The following DNAH11 variants were observed in gnomAD, a reference collection of about 807,000 sequenced individuals.
The protein encoded by DNAH11 is axonemal beta dynein heavy chain 11.
DNAH11 carries 442 observed loss-of-function variants against 526.0 expected under a neutral mutation model. That is an observed-to-expected ratio of 0.84 (90% CI 0.78 to 0.91). The LOEUF (loss-of-function observed/expected upper bound fraction) is 0.91. DNAH11 is among the 40% of genes least tolerant of loss of function. The probability of loss-of-function intolerance (pLI) is 0.00; values close to 1 mark genes in which losing one functional copy is unlikely to be tolerated. For synonymous variants in DNAH11, 2,461 were observed against 1,935.9 expected, an observed-to-expected ratio of 1.27 and a Z score of -7.12; for missense variants, 6,989 against 5,448.7, an observed-to-expected ratio of 1.28 and a Z score of -8.90.
chr7:21,838,716 C>CTATTTATTTATTTATT (rs34468017), intron 65 of DNAH11, among the ~76,000 whole-genome samples: 2,129 of 148,970 alleles, frequency 0.014, 44 homozygotes, highest in African/African-American at 0.039. Context: ...GATTTTTAAA[C>CTATTTATTTATTTATT]TATTTATTTA....
At chr7:21,550,671 C>T (rs1003006931) in intron 2 of DNAH11, among the ~76,000 whole-genome samples, 63 of 152,128 alleles carry the variant, frequency 4.1e-4, no homozygotes, top group African/African-American at 1.5e-3. Flanking sequence ...TAATTTGAAA[C>T]CTTCCATAAT....
intron 75 of DNAH11, among the ~76,000 whole-genome samples, chr7:21,883,985 A>G (rs1030294429): frequency 1.3e-5 from 2 of 152,200 alleles, no homozygotes; most frequent in African/African-American, 2.4e-5. Flanking sequence ...CAAGGTTGCA[A>G]TGAGCTGTGA....
rs1286994374 is a variant in DNAH11 at position 21,592,461 on chromosome 7, G to T, written c.2667+884G>T. ...AAACTGAGATCAGAATTTGCAAGGG[G>T]AGTGGTAGTAGAGGGTGAGGTAGAA... On this transcript the variant is annotated intron_variant, in intron 14 of 81. Transcript: ENST00000409508. Among the ~76,000 whole-genome samples the T allele has an allele frequency of 4.6e-5, 7 of 152,334 alleles. No homozygotes were observed. In the East Asian group the frequency reaches 9.6e-4, roughly 21 times the overall value.
Position 21,838,708 on chromosome 7 carries a change from T to G in DNAH11, c.10692-3836T>G, listed in dbSNP as rs115500085. 2.5e-3 allele frequency among the ~76,000 whole-genome samples: 383 copies of G among 150,636 alleles called. 1 individual carries two copies. The highest frequency in any genetic ancestry group is 9.1e-3 in the African/African-American group (368 of 40,250). ...TTTCCATGATATTTCATTGTTTGGA[T>G]TTTTAAACTATTTATTTATTTATTT... On this transcript the variant is annotated intron_variant, in intron 65 of 81. Transcript: ENST00000409508.
intron 45 of DNAH11, among the ~76,000 whole-genome samples, chr7:21,734,897 T>A (rs767275162): frequency 2.9e-4 from 44 of 151,002 alleles, no homozygotes; most frequent in Non-Finnish European, 4.6e-4. Context: ...ATCAACCGGG[T>A]GCAGTGGCTC....
intron 63 of DNAH11, among the ~76,000 whole-genome samples, chr7:21,812,613 C>T (rs1344574600): frequency 1.3e-5 from 2 of 152,028 alleles, no homozygotes; most frequent in South Asian, 2.1e-4. Context: ...ATGATGGCAC[C>T]ACTGAACTCC....
At chr7:21,888,453 G>A (rs886647804) in intron 76 of DNAH11, among the ~76,000 whole-genome samples, 1 of 152,026 alleles carries the variant, frequency 6.6e-6, no homozygotes, top group Admixed American at 6.6e-5. Flanking sequence ...TCTAATAACT[G>A]TGCCTGCCCC....
At position 21,727,143 on chromosome 7, in the gene DNAH11, C is replaced by G. The variant is rs145884368; in HGVS notation, c.7440+1159C>G. ...AGAGACGGGGTTTCACCGTGTTAGC[C>G]AGGATGATCTCGATCTCCTGACCTC... On this transcript the variant is annotated intron_variant, in intron 45 of 81. Transcript: ENST00000409508. 4.0e-5 allele frequency among the ~76,000 whole-genome samples: 6 copies of G among 151,320 alleles called. No homozygotes were observed. The East Asian group carries it at 1.0e-3, about 25-fold the overall frequency.
chr7:21,850,264 G>C (rs941633378), intron 66 of DNAH11, among the ~76,000 whole-genome samples: 4 of 149,952 alleles, frequency 2.7e-5, no homozygotes, highest in African/African-American at 9.8e-5. Flanking sequence ...GCTGAGGCAG[G>C]AGAATGGCGT....
intron 46 of DNAH11, among the ~76,000 whole-genome samples, chr7:21,738,315 C>T (rs1785707423): frequency 6.6e-6 from 1 of 152,182 alleles, no homozygotes; most frequent in Non-Finnish European, 1.5e-5. Context: ...GACTCTTCCG[C>T]AGAGATGACA....
intron 68 of DNAH11, among the ~76,000 whole-genome samples, chr7:21,856,767 A>G (rs998988881): frequency 1.7e-5 from 2 of 117,742 alleles, no homozygotes; most frequent in African/African-American, 6.9e-5. Context: ...AGAACTTGAA[A>G]AATTTCAACA....
chr7:21,602,324 C>T (rs7804114), intron 18 of DNAH11, among the ~76,000 whole-genome samples: 4,677 of 151,980 alleles, frequency 0.031, 235 homozygotes, highest in African/African-American at 0.11. Context: ...GGGGACAAAG[C>T]GAGACTCCTT....
chr7:21,888,055 C>T (rs1004599760), intron 76 of DNAH11, among the ~76,000 whole-genome samples: 35 of 152,122 alleles, frequency 2.3e-4, no homozygotes, highest in African/African-American at 8.0e-4. Context: ...TACGGGAGAC[C>T]AGAGTTCTGG....
chr7:21,602,567 G>C (rs1374353685), intron 18 of DNAH11, among the ~76,000 whole-genome samples: 3 of 29,338 alleles, frequency 1.0e-4, no homozygotes, highest in Non-Finnish European at 3.3e-4. Flanking sequence ...TTGTGTGTGT[G>C]TGTGTGTGTG....
intron 37 of DNAH11, 122 bp from the exon 38 acceptor site, chr7:21,704,312 T>C: frequency 1.0e-6 from 1 of 968,166 alleles, no homozygotes; most frequent in South Asian, 1.8e-5. Context: ...GCCATCTTAA[T>C]GGAGAACAGT....
At chr7:21,561,372 A>T (rs1212314134) in intron 5 of DNAH11, 2 of 435,356 alleles carry the variant, frequency 4.6e-6, no homozygotes, top group East Asian at 3.7e-5. Context: ...GGTATATAGT[A>T]GTACCTGCCA....
intron 61 of DNAH11, among the ~76,000 whole-genome samples, chr7:21,796,620 C>G (rs1788724824): frequency 6.6e-6 from 1 of 152,148 alleles, no homozygotes. Flanking sequence ...GGGAAGGGAA[C>G]CATCACCTGG....
At chr7:21,751,307 G>A (rs1786403324) in intron 54 of DNAH11, among the ~76,000 whole-genome samples, 2 of 152,182 alleles carry the variant, frequency 1.3e-5, no homozygotes, top group African/African-American at 4.8e-5. Context: ...CTGGGTGACA[G>A]AGTGACACTC....
chr7:21,657,710 A>C (rs1782076788), intron 29 of DNAH11, among the ~76,000 whole-genome samples: 1 of 152,200 alleles, frequency 6.6e-6, no homozygotes, highest in African/African-American at 2.4e-5. Flanking sequence ...TTAGATCAGA[A>C]CAACCTGACA....
Sources: allele counts gnomAD v4.1 joint callset (sites outside exome capture counted in the v4.1 genomes callset), GRCh38; gene constraint gnomAD v4.1.1; transcripts MANE v1.5; gene names NCBI Gene and HGNC (gene_info 2026-07-23, HGNC 2026-07-21).